Variants in MYO3B observed in about 807,000 individuals in gnomAD.
MYO3B encodes myosin IIIB.
In MYO3B, 156 loss-of-function variants were observed where a neutral mutation model predicts 174.6. The ratio of observed to expected loss-of-function variants is 0.89; its 90% confidence interval spans 0.78 to 1.02. MYO3B has a LOEUF of 1.02. MYO3B is among the 50% of genes least tolerant of loss of function. The pLI is 0.00. For missense variants in MYO3B, 1,632 were observed against 1,639.4 expected, an observed-to-expected ratio of 1.00 and a Z score of 0.08; for synonymous variants, 563 against 569.1, an observed-to-expected ratio of 0.99 and a Z score of 0.15.
intron 25 of MYO3B, among the ~76,000 whole-genome samples, chr2:170,496,495 T>C (rs886526755): frequency 8.6e-5 from 13 of 151,816 alleles, no homozygotes; most frequent in Admixed American, 3.3e-4. Context: ...AACTAAATTA[T>C]AGATGGCAGC....
chr2:170,519,739 G>A (rs370441609), intron 30 of MYO3B, 199 bp downstream of exon 30: 231 of 464,740 alleles, frequency 5.0e-4, no homozygotes, highest in African/African-American at 3.8e-3. Context: ...TGTGGGGGCC[G>A]AGGTGGGTGG....
intron 32 of MYO3B, among the ~76,000 whole-genome samples, chr2:170,563,119 T>TACACACACAC (rs56807707): frequency 3.6e-5 from 4 of 110,348 alleles, no homozygotes; most frequent in Admixed American, 3.5e-4. Flanking sequence ...CTCTCACACA[T>TACACACACAC]ACACACACAC....
intron 32 of MYO3B, among the ~76,000 whole-genome samples, chr2:170,549,303 A>G (rs1251877534): frequency 2.0e-5 from 3 of 152,134 alleles, no homozygotes; most frequent in Non-Finnish European, 2.9e-5. Flanking sequence ...TTGAAGGTCA[A>G]AAGTAGCAAG....
chr2:170,335,304 TG>T, intron 7 of MYO3B, 80 bp from the exon 8 acceptor site: 1 of 1,023,990 alleles, frequency 9.8e-7, no homozygotes, highest in Non-Finnish European at 1.5e-6. Context: ...CTATTTAGAA[TG>T]ATATCAATAA....
At chr2:170,185,644 T>C (rs946453934) in intron 1 of MYO3B, among the ~76,000 whole-genome samples, 3 of 152,196 alleles carry the variant, frequency 2.0e-5, no homozygotes, top group Admixed American at 6.6e-5. Flanking sequence ...TGTGGCTCCA[T>C]ATACATTTTA....
Position 170,652,014 on chromosome 2 carries a change from A to C in MYO3B, c.3841-94A>C. 3.1e-6 allele frequency: 4 copies of C among 1,310,724 alleles called. No individual in the cohort carries two copies. The South Asian group carries it at 5.1e-5, about 17-fold the overall frequency. The allele number at this position is 1,310,724 out of a possible 1,614,324, so 81.2% of individuals were successfully genotyped here. A position where few individuals can be genotyped will look rare whatever the true frequency, so the allele number is the denominator to read the frequency against. The stretch of plus-strand genomic sequence containing the variant: ...TTATGCTGTGACTTCTGATATTATC[A>C]GCATCTGCTTGCATTCAACACAAAA... On this transcript the variant is annotated intron_variant, in intron 33 of 34. Coordinates refer to ENST00000408978, the MANE Select transcript of MYO3B (RefSeq NM_138995.5).
rs569341183 is a variant in MYO3B at position 170,392,455 on chromosome 2, C to T, written c.1751C>T (p.Ala584Val). 1 of 1,597,046 alleles carries T rather than the reference C, an allele frequency of 6.3e-7. No individual in the cohort carries two copies. The highest frequency in any genetic ancestry group is 8.6e-7 in the Non-Finnish European group (1 of 1,169,432). ...GAGTCTTACAGAAGACAATTCGAAGCAATTCAGCATTGCTTCAGGATTATA... is the reference window on the plus strand; with the variant it reads ...GAGTCTTACAGAAGACAATTCGAAGTAATTCAGCATTGCTTCAGGATTATA... The part of the protein sequence containing the change: ...SKESYRRQFE[A>V]IQHCFRIIGF... Residue 584 changes from alanine to valine, a missense_variant, in exon 16 of 35, where the codon GCA becomes GTA. Physicochemically the swap from Ala to Val is moderately conservative, Grantham distance 64. Transcript: ENST00000408978.
chr2:170,579,184 T>C (rs1162551823), intron 32 of MYO3B, among the ~76,000 whole-genome samples: 1 of 152,198 alleles, frequency 6.6e-6, no homozygotes, highest in Non-Finnish European at 1.5e-5. Flanking sequence ...GTAAACAATA[T>C]GCTTTGTTTG....
At chr2:170,517,286 TG>T (rs1381778670) in intron 29 of MYO3B, among the ~76,000 whole-genome samples, 3 of 152,234 alleles carry the variant, frequency 2.0e-5, no homozygotes, top group Non-Finnish European at 4.4e-5. Context: ...ATAAGAAACA[TG>T]GAATAAGTTT....
chr2:170,242,980 G>A (rs1450761030), intron 7 of MYO3B, among the ~76,000 whole-genome samples: 1 of 152,184 alleles, frequency 6.6e-6, no homozygotes, highest in African/African-American at 2.4e-5. Context: ...GGGTAAGACA[G>A]GGATGAGGAG....
chr2:170,495,188 G>T (rs1289707367), intron 25 of MYO3B, among the ~76,000 whole-genome samples: 1 of 152,156 alleles, frequency 6.6e-6, no homozygotes, highest in Non-Finnish European at 1.5e-5. Context: ...TCAGGAAAGG[G>T]GTAAAATGGA....
chr2:170,312,923 A>G (rs1392662028), intron 7 of MYO3B, among the ~76,000 whole-genome samples: 1 of 152,188 alleles, frequency 6.6e-6, no homozygotes, highest in Non-Finnish European at 1.5e-5. Flanking sequence ...AAATGTTTCT[A>G]AGTTACACAT....
intron 7 of MYO3B, among the ~76,000 whole-genome samples, chr2:170,299,555 A>T (rs2093652144): frequency 6.6e-6 from 1 of 152,190 alleles, no homozygotes; most frequent in African/African-American, 2.4e-5. Context: ...GTCACTATGT[A>T]CCTTTAATCT....
At chr2:170,276,563 T>A (rs1422151721) in intron 7 of MYO3B, among the ~76,000 whole-genome samples, 1 of 152,180 alleles carries the variant, frequency 6.6e-6, no homozygotes, top group Admixed American at 6.6e-5. Context: ...AGATTGTAAA[T>A]TAGGAACATC....
chr2:170,646,172 G>A (rs574143379), intron 32 of MYO3B, among the ~76,000 whole-genome samples: 1 of 151,810 alleles, frequency 6.6e-6, no homozygotes, highest in East Asian at 2.0e-4. Flanking sequence ...TAGGGAGGCT[G>A]AGGAAGGAGA....
At chr2:170,450,862 C>T (rs545777223) in intron 23 of MYO3B, among the ~76,000 whole-genome samples, 3 of 152,138 alleles carry the variant, frequency 2.0e-5, no homozygotes, top group Admixed American at 6.5e-5. Flanking sequence ...ATTCTGGCTC[C>T]ACATCAGTGT....
intron 7 of MYO3B, among the ~76,000 whole-genome samples, chr2:170,253,600 C>T (rs1159331947): frequency 6.6e-6 from 1 of 151,956 alleles, no homozygotes; most frequent in Non-Finnish European, 1.5e-5. Flanking sequence ...TAGAATTTAC[C>T]TGGGCAGTGG....
At chr2:170,266,292 T>C (rs2093382780) in intron 7 of MYO3B, among the ~76,000 whole-genome samples, 1 of 152,178 alleles carries the variant, frequency 6.6e-6, no homozygotes, top group Admixed American at 6.5e-5. Context: ...ACCTTGCCCA[T>C]AAAACTAAAC....
At chr2:170,482,147 C>T (rs1157667084) in intron 25 of MYO3B, among the ~76,000 whole-genome samples, 1 of 149,464 alleles carries the variant, frequency 6.7e-6, no homozygotes, top group African/African-American at 2.5e-5. Flanking sequence ...TTTTCCTGCA[C>T]AAGTTCTCTC....
Sources: gnomAD v4.1 joint callset for allele counts (sites outside exome capture counted in the v4.1 genomes callset) on GRCh38, gnomAD v4.1.1 for gene constraint, MANE v1.5 for transcripts, NCBI Gene and HGNC (gene_info 2026-07-23, HGNC 2026-07-21) for gene names.